The following ARSF variants were observed in gnomAD, a reference collection of about 807,000 sequenced individuals.
ARSF encodes arylsulfatase F.
ARSF carries 33 observed loss-of-function variants against 35.4 expected under a neutral mutation model. That is an observed-to-expected ratio of 0.93 (90% CI 0.71 to 1.25). The LOEUF is 1.25. Among genes scored for constraint, ARSF ranks in the 50% most tolerant of loss-of-function variants. The pLI, the probability that ARSF is intolerant of heterozygous loss-of-function variation, is 0.00. For missense variants in ARSF, 501 were observed against 480.2 expected (o/e 1.04, Z -0.40); for synonymous variants, 222 against 193.1 (o/e 1.15, Z -1.24).
intron 10 of ARSF, 138 bp from the exon 11 acceptor site, chrX:3,112,036 C>A (rs886508687): frequency 3.8e-5 from 18 of 468,034 alleles, no homozygotes; most frequent in Non-Finnish European, 6.2e-5. Context: ...CTGTGTGTGA[C>A]CAGGTTCTTA....
intron 6 of ARSF, 77 bp from the exon 7 acceptor site, chrX:3,089,419 T>C: frequency 4.5e-6 from 5 of 1,118,303 alleles, no homozygotes; most frequent in Non-Finnish European, 6.1e-6. Flanking sequence ...AGGTCATGTC[T>C]ATGAGAAGCC....
chrX:3,080,821 T>C (rs1036711983), intron 4 of ARSF, 70 bp from the exon 5 acceptor site: 2 of 1,169,318 alleles, frequency 1.7e-6, no homozygotes, highest in African/African-American at 3.5e-5. Context: ...ATGTGCAAAT[T>C]TTGTAGTGAC....
In ARSF at chrX:3,084,490, G is replaced by A; in HGVS notation, c.654G>A (p.Leu218=). The A allele has an allele frequency of 8.3e-7, 1 of 1,211,151 alleles. No homozygotes were observed. The highest frequency in any genetic ancestry group is 1.1e-6 in the Non-Finnish European group (1 of 895,447). Residue 218 remains leucine (L), a synonymous_variant, in exon 6 of 11, where the codon CTG becomes CTA. Coordinates refer to ENST00000381127, the MANE Select transcript of ARSF (RefSeq NM_001201539.2). ...GCTGGGTCTCTGTTCCCTGGCTCCTGATCTTCTCCATGATTCTGTTTATTT... is the reference window on the plus strand; with the variant it reads ...GCTGGGTCTCTGTTCCCTGGCTCCTAATCTTCTCCATGATTCTGTTTATTT... ...LSGWVSVPWL[L]IFSMILFIFL... is the part of the protein sequence containing the mutation.
At chrX:3,096,377 A>G (rs1459546372) in intron 7 of ARSF, among the ~76,000 whole-genome samples, 1 of 111,327 alleles carries the variant, frequency 9.0e-6, no homozygotes, top group African/African-American at 3.3e-5. Context: ...ATGAAAGAAA[A>G]CTTGAATACA....
At chrX:3,101,311 G>A in intron 8 of ARSF, 90 bp downstream of exon 8, 2 of 1,024,352 alleles carry the variant, frequency 2.0e-6, no homozygotes. Context: ...AAGGAATGAG[G>A]CCTGAAAAAC....
rs751611038 is a variant in ARSF, at chrX:3,063,890, A to G, written c.-28-4183A>G. Reference sequence around the variant, plus strand: ...ATGGCCATACTGCCCAAGGTAATTTATAGATTCAATGTCATCTCCATCAAG... The same window carrying G: ...ATGGCCATACTGCCCAAGGTAATTTGTAGATTCAATGTCATCTCCATCAAG... On this transcript the variant is annotated intron_variant, in intron 1 of 10. Transcript: ENST00000381127. Among the ~76,000 whole-genome samples the G allele has an allele frequency of 6.2e-5, 7 of 112,184 alleles. No homozygotes were observed. In the East Asian group the frequency reaches 1.7e-3, roughly 27 times the overall value.
At chrX:3,084,147 G>A in intron 5 of ARSF, 96 bp from the exon 6 acceptor site, 1 of 994,827 alleles carries the variant, frequency 1.0e-6, no homozygotes, top group Non-Finnish European at 1.4e-6. Flanking sequence ...TGTATTAGCT[G>A]ATTGTTTCAC....
At chrX:3,095,087 G>A (rs1317729892) in intron 7 of ARSF, among the ~76,000 whole-genome samples, 1 of 108,701 alleles carries the variant, frequency 9.2e-6, no homozygotes, top group Admixed American at 1.0e-4. Context: ...GTTTGAGGCT[G>A]CAGTGAGCCA....
intron 3 of ARSF, among the ~76,000 whole-genome samples, chrX:3,072,615 T>A (rs377536832): frequency 9.0e-6 from 1 of 110,683 alleles, no homozygotes; most frequent in African/African-American, 3.3e-5. Flanking sequence ...TGTTTTCTTA[T>A]TTGTCGAATG....
intron 4 of ARSF, among the ~76,000 whole-genome samples, chrX:3,079,387 C>T (rs1448026008): frequency 2.0e-5 from 2 of 100,823 alleles, no homozygotes; most frequent in African/African-American, 7.4e-5. Flanking sequence ...CTCTTGTTGC[C>T]CAGGCTGGAG....
At chrX:3,065,433 T>TA (rs1193970059) in intron 1 of ARSF, among the ~76,000 whole-genome samples, 1 of 104,172 alleles carries the variant, frequency 9.6e-6, no homozygotes, top group Non-Finnish European at 1.9e-5. Flanking sequence ...TAAAGTATAA[T>TA]AAAAATAAAT....
chrX:3,097,009 T>G (rs2090342302), intron 7 of ARSF, among the ~76,000 whole-genome samples: 1 of 110,241 alleles, frequency 9.1e-6, no homozygotes, highest in South Asian at 3.8e-4. Context: ...CTGTCTGAAG[T>G]GAGGAAGAGG....
chrX:3,072,232 G>A, intron 3 of ARSF, 57 bp downstream of exon 3: 1 of 1,126,250 alleles, frequency 8.9e-7, no homozygotes, highest in Non-Finnish European at 1.2e-6. Context: ...TCAGCAGGCT[G>A]GCTGTACGGC....
At chrX:3,042,175 A>AAT (rs755074380) in intron 1 of ARSF, among the ~76,000 whole-genome samples, 17 of 111,799 alleles carry the variant, frequency 1.5e-4, no homozygotes, top group Non-Finnish European at 2.1e-4. Flanking sequence ...TTATCAGTAA[A>AAT]ATATATATAT....
At chrX:3,061,370 G>A (rs902304590) in intron 1 of ARSF, among the ~76,000 whole-genome samples, 4 of 111,427 alleles carry the variant, frequency 3.6e-5, no homozygotes, top group African/African-American at 6.5e-5. Flanking sequence ...AAAGACCATC[G>A]ATGCTAGGAA....
chrX:3,046,354 C>T (rs771572997), intron 1 of ARSF, among the ~76,000 whole-genome samples: 1 of 111,927 alleles, frequency 8.9e-6, no homozygotes, highest in East Asian at 2.8e-4. Context: ...ATTTTCCAGG[C>T]TGCTCTTTGT....
intron 1 of ARSF, among the ~76,000 whole-genome samples, chrX:3,057,933 T>C (rs1017450667): frequency 8.9e-6 from 1 of 111,801 alleles, no homozygotes; most frequent in African/African-American, 3.3e-5. Context: ...GTCAGACACA[T>C]GCACCTTACC....
intron 1 of ARSF, among the ~76,000 whole-genome samples, chrX:3,063,545 T>C (rs1320667282): frequency 9.0e-6 from 1 of 111,602 alleles, no homozygotes; most frequent in Admixed American, 9.6e-5. Context: ...TGATTGTATA[T>C]TTAGAAAACC....
chrX:3,102,876 C>T (rs1251504740), intron 8 of ARSF, among the ~76,000 whole-genome samples: 1 of 109,409 alleles, frequency 9.1e-6, no homozygotes, highest in Non-Finnish European at 1.9e-5. Flanking sequence ...AGCACCACTG[C>T]ACTCCAGCCT....
Sources: gnomAD v4.1 joint callset for allele counts (sites outside exome capture counted in the v4.1 genomes callset) on GRCh38, gnomAD v4.1.1 for gene constraint, MANE v1.5 for transcripts, NCBI Gene and HGNC (gene_info 2026-07-23, HGNC 2026-07-21) for gene names.